The following NYAP2 variants were observed in gnomAD, a reference collection of about 807,000 sequenced individuals.
The protein encoded by NYAP2 is neuronal tyrosine-phosphorylated phosphoinositide-3-kinase adaptor 2, also known as neuronal tyrosine-phosphorylated phosphoinositide-3-kinase adapter 2.
Under a neutral mutation model 50.4 loss-of-function variants are expected in NYAP2, and 23 were observed. The ratio of observed to expected loss-of-function variants is 0.46; its 90% CI spans 0.33 to 0.65. The LOEUF (loss-of-function observed/expected upper bound fraction) is 0.65. NYAP2 is among the 30% of genes least tolerant of loss of function. NYAP2 has a pLI of 0.02. For missense variants in NYAP2, 885 were observed against 861.0 expected (o/e 1.03, Z -0.35); for synonymous variants, 394 against 365.2 (o/e 1.08, Z -0.90).
chr2:225,647,981 TGC>T (rs1693662665), intron 6 of NYAP2, among the ~76,000 whole-genome samples: 1 of 18,338 alleles, frequency 5.5e-5, no homozygotes, highest in African/African-American at 5.1e-4. Flanking sequence ...TATGTGTGTG[TGC>T]ATATGTATGT....
the NYAP2 span, chr2:225,699,504 C>T: frequency 2.6e-5 from 4 of 151,770 alleles, no homozygotes; most frequent in East Asian, 7.8e-4. Context: ...TGCTTGTTTC[C>T]CCAAGAAAAT....
At chr2:225,678,544 C>A in the NYAP2 span, among the ~76,000 whole-genome samples, 1 of 152,086 alleles carries the variant, frequency 6.6e-6, no homozygotes, top group South Asian at 2.1e-4. Context: ...ATAGCAGTAT[C>A]TTTGAAGATA....
At chr2:225,482,956 CTGGTAAATAT>C (rs1485078670) in intron 3 of NYAP2, among the ~76,000 whole-genome samples, 3 of 152,130 alleles carry the variant, frequency 2.0e-5, no homozygotes, top group Admixed American at 6.5e-5. Flanking sequence ...CTTCAGACAG[CTGGTAAATAT>C]TGTACTTCTT....
intron 3 of NYAP2, among the ~76,000 whole-genome samples, chr2:225,487,754 G>T (rs1690329710): frequency 6.6e-6 from 1 of 152,076 alleles, no homozygotes; most frequent in African/African-American, 2.4e-5. Flanking sequence ...TTATTTATGG[G>T]GATGTTTGTT....
At chr2:225,630,503 G>A (rs1693287557) in intron 6 of NYAP2, among the ~76,000 whole-genome samples, 1 of 152,162 alleles carries the variant, frequency 6.6e-6, no homozygotes, top group Non-Finnish European at 1.5e-5. Flanking sequence ...CAAACATCTT[G>A]TCTGGTCCAA....
rs367544728 is a variant in NYAP2 at position 225,513,681 on chromosome 2, C to A, written c.523+9C>A. 2 of 1,492,162 alleles carry A rather than the reference C, an allele frequency of 1.3e-6. No individual in the cohort carries two copies. Among genetic ancestry groups the A allele is most frequent in the Non-Finnish European group, 1.8e-6 (2 of 1,121,040 alleles). 92.4% of individuals were successfully genotyped at this position (1,492,162 alleles called of 1,614,324 possible). ...CCCTGAGAGGACTGAAGGTAAAACA[C>A]GCCATGTCCATGTCACCTAGAAATC... On this transcript the variant is annotated intron_variant, in intron 4 of 6. Coordinates refer to ENST00000636099, the Ensembl canonical transcript of NYAP2.
chr2:225,651,579 A>G, exon 7 of NYAP2: 5 of 1,613,054 alleles, frequency 3.1e-6, no homozygotes, highest in Non-Finnish European at 3.4e-6. Flanking sequence ...CCTGTGATAC[A>G]ACTTGCCAAA....
intron 3 of NYAP2, among the ~76,000 whole-genome samples, chr2:225,513,051 G>A (rs1232604011): frequency 6.6e-6 from 1 of 152,036 alleles, no homozygotes; most frequent in African/African-American, 2.4e-5. Context: ...GGACTGAATT[G>A]CACGTCAAAA....
chr2:225,463,392 G>A (rs774048834), intron 3 of NYAP2, among the ~76,000 whole-genome samples: 2 of 152,220 alleles, frequency 1.3e-5, no homozygotes, highest in Admixed American at 6.5e-5. Context: ...GTGTTTTCTC[G>A]TATTTGTAAC....
At chr2:225,642,827 G>A (rs749031474) in intron 6 of NYAP2, among the ~76,000 whole-genome samples, 9 of 152,108 alleles carry the variant, frequency 5.9e-5, no homozygotes, top group Non-Finnish European at 1.2e-4. Flanking sequence ...AGAGAAAAAT[G>A]ACAGATGACC....
the NYAP2 span, chr2:225,701,616 T>G: frequency 2.6e-5 from 4 of 151,862 alleles, no homozygotes; most frequent in Admixed American, 6.6e-5. Flanking sequence ...CTCCCATGTT[T>G]ATGCTACTGA....
chr2:225,581,827 T>A, intron 4 of NYAP2, 114 bp from the exon 5 acceptor site: 1 of 980,398 alleles, frequency 1.0e-6, no homozygotes, highest in Non-Finnish European at 1.5e-6. Context: ...AAACTAAGAA[T>A]GAAGCTGTCT....
chr2:225,404,702 AAAAAT>A (rs571956840), intron 2 of NYAP2, among the ~76,000 whole-genome samples: 60 of 152,126 alleles, frequency 3.9e-4, no homozygotes, highest in African/African-American at 1.3e-3. Context: ...AACAAAGTGA[AAAAAT>A]AAAATAAAGC....
chr2:225,490,863 A>G (rs1690391854), intron 3 of NYAP2, among the ~76,000 whole-genome samples: 1 of 152,216 alleles, frequency 6.6e-6, no homozygotes, highest in South Asian at 2.1e-4. Context: ...GTTGAGTTGC[A>G]CAACTCATGA....
chr2:225,429,612 A>G (rs930028684), intron 3 of NYAP2, among the ~76,000 whole-genome samples: 1 of 152,328 alleles, frequency 6.6e-6, no homozygotes, highest in South Asian at 2.1e-4. Context: ...TGAGGTTAAT[A>G]TATTTATTTA....
At chr2:225,522,017 C>T (rs999998337) in intron 4 of NYAP2, among the ~76,000 whole-genome samples, 3 of 152,068 alleles carry the variant, frequency 2.0e-5, no homozygotes, top group East Asian at 3.9e-4. Flanking sequence ...GTGTATGTGT[C>T]GAGGAATTTA....
chr2:225,489,387 G>A (rs1690365039), intron 3 of NYAP2, among the ~76,000 whole-genome samples: 1 of 151,656 alleles, frequency 6.6e-6, no homozygotes, highest in East Asian at 1.9e-4. Context: ...TAGTAGAGAT[G>A]GGATTTCACC....
intron 3 of NYAP2, among the ~76,000 whole-genome samples, chr2:225,445,016 G>T (rs912255552): frequency 6.6e-6 from 1 of 152,050 alleles, no homozygotes; most frequent in African/African-American, 2.4e-5. Flanking sequence ...GAGTTATGTT[G>T]CTTTGCATTT....
At chr2:225,417,408 A>C (rs1416701372) in intron 3 of NYAP2, among the ~76,000 whole-genome samples, 1 of 152,078 alleles carries the variant, frequency 6.6e-6, no homozygotes, top group East Asian at 1.9e-4. Flanking sequence ...TGCTTGAAAC[A>C]CATGCCTCTA....
Sources: allele counts gnomAD v4.1 joint callset (sites outside exome capture counted in the v4.1 genomes callset), GRCh38; gene constraint gnomAD v4.1.1; transcripts MANE v1.5; gene names NCBI Gene and HGNC (gene_info 2026-07-23, HGNC 2026-07-21).